Variants in ARHGAP36 observed in about 807,000 individuals in gnomAD.
ARHGAP36 encodes the protein rho GTPase-activating protein 36.
In ARHGAP36, 7 loss-of-function variants were observed where a neutral mutation model predicts 32.9. The observed-to-expected ratio is 0.21, with a 90% CI of 0.12 to 0.40. ARHGAP36 has a LOEUF of 0.40. Among genes scored for constraint, ARHGAP36 ranks in the 10% least tolerant of loss-of-function variants. The probability of loss-of-function intolerance (pLI) is 1.00; values close to 1 mark genes in which losing one functional copy is unlikely to be tolerated. For synonymous variants in ARHGAP36, 165 were observed against 168.3 expected (o/e 0.98, Z 0.15); for missense variants, 383 against 442.2 (o/e 0.87, Z 1.20).
chrX:131,079,558 T>TG (rs11398648), intron 1 of ARHGAP36, among the ~76,000 whole-genome samples: 1,143 of 60,647 alleles, frequency 0.019, 20 homozygotes, highest in African/African-American at 0.055. Context: ...GTTTTTTGTT[T>TG]TTTGTTTTTT....
intron 5 of ARHGAP36, 59 bp downstream of exon 5, chrX:131,084,466 CT>C: frequency 3.4e-6 from 4 of 1,160,273 alleles, no homozygotes; most frequent in Non-Finnish European, 4.6e-6. Context: ...GAGGGATGTT[CT>C]GGAAATGGGG....
chrX:131,065,357 G>A (rs977799540), intron 1 of ARHGAP36, among the ~76,000 whole-genome samples: 1 of 111,523 alleles, frequency 9.0e-6, no homozygotes, highest in Non-Finnish European at 1.9e-5. Context: ...TAGATGGGTA[G>A]TCTAGCGATG....
intron 1 of ARHGAP36, among the ~76,000 whole-genome samples, chrX:131,079,229 G>C (rs913156595): frequency 1.8e-5 from 2 of 111,960 alleles, no homozygotes; most frequent in Non-Finnish European, 3.8e-5. Context: ...ATTTTGAATG[G>C]GGAATTGCTA....
At chrX:131,058,467 G>A (rs1440401104) in intron 1 of ARHGAP36, 23 bp downstream of exon 1, 3 of 1,019,113 alleles carry the variant, frequency 2.9e-6, no homozygotes, top group Admixed American at 5.0e-5. Context: ...CACCGAGTCG[G>A]GGGGCTGGGG....
chrX:131,065,039 GTT>G (rs1486920544), intron 1 of ARHGAP36, among the ~76,000 whole-genome samples: 4 of 28,960 alleles, frequency 1.4e-4, no homozygotes, highest in African/African-American at 1.3e-4. Flanking sequence ...GTGTGTGTGT[GTT>G]TGTGTGTGTG....
At chrX:131,069,827 G>A (rs936714970) in intron 1 of ARHGAP36, among the ~76,000 whole-genome samples, 3 of 112,051 alleles carry the variant, frequency 2.7e-5, no homozygotes, top group Admixed American at 9.4e-5. Flanking sequence ...ACCTCCACTT[G>A]TATTCTTTTC....
intron 1 of ARHGAP36, among the ~76,000 whole-genome samples, chrX:131,071,881 G>T (rs753067180): frequency 8.9e-6 from 1 of 111,791 alleles, no homozygotes; most frequent in African/African-American, 3.3e-5. Context: ...AGACAGGAGA[G>T]AATTCAATTG....
chrX:131,077,441 A>G (rs765136074), intron 1 of ARHGAP36, among the ~76,000 whole-genome samples: 29 of 110,384 alleles, frequency 2.6e-4, no homozygotes, highest in Non-Finnish European at 4.4e-4. Context: ...GTTTACTAGT[A>G]AGCACTGCAC....
chrX:131,074,280 TC>T (rs1354731578), intron 1 of ARHGAP36, among the ~76,000 whole-genome samples: 1 of 111,650 alleles, frequency 9.0e-6, no homozygotes, highest in East Asian at 2.8e-4. Context: ...AAGTCTCATT[TC>T]CCTTTTTCCC....
chrX:131,079,562 G>GTTTTTTTTTTT (rs11417328), intron 1 of ARHGAP36, among the ~76,000 whole-genome samples: 1 of 93,136 alleles, frequency 1.1e-5, no homozygotes, highest in African/African-American at 4.0e-5. Flanking sequence ...TTTGTTTTTT[G>GTTTTTTTTTTT]TTTTTTTTTT....
At chrX:131,061,657 C>T (rs1322882289) in intron 1 of ARHGAP36, among the ~76,000 whole-genome samples, 2 of 111,471 alleles carry the variant, frequency 1.8e-5, no homozygotes, top group African/African-American at 6.5e-5. Context: ...AAAGCTGGGG[C>T]GTGACTGCCA....
At chrX:131,083,600 G>A in intron 3 of ARHGAP36, 134 bp from the exon 4 acceptor site, 1 of 638,871 alleles carries the variant, frequency 1.6e-6, no homozygotes, top group Non-Finnish European at 2.5e-6. Flanking sequence ...TCCCCAGGGA[G>A]GGGCGCTGCG....
Position 131,086,606 on chromosome X carries a change from T to C in ARHGAP36, c.1427T>C (p.Val476Ala). The change falls in exon 11 of 12, where the codon GTG (valine) becomes GCG (alanine). Residue 476 changes from valine to alanine, a missense_variant. Transcript: ENST00000276211. The stretch of plus-strand genomic sequence containing the variant: ...GAGGATGCACTACTTTCTGATCCAG[T>C]GGAAACCTCTGCTGAAGCCCGGGCT... The part of the protein sequence containing the change: ...MEEDALLSDP[V>A]ETSAEARAAV... The C allele has an allele frequency of 8.3e-7, 1 of 1,211,912 alleles. No individual in the cohort carries two copies. The highest frequency in any genetic ancestry group is 1.1e-6 in the Non-Finnish European group (1 of 895,579).
chrX:131,061,232 ATTTAC>A (rs1445094945), intron 1 of ARHGAP36, among the ~76,000 whole-genome samples: 3 of 110,706 alleles, frequency 2.7e-5, no homozygotes, highest in Non-Finnish European at 5.7e-5. Context: ...TTTTAAAAAA[ATTTAC>A]TTTAAGTTCT....
intron 1 of ARHGAP36, among the ~76,000 whole-genome samples, chrX:131,060,182 G>A (rs2079661261): frequency 9.0e-6 from 1 of 110,976 alleles, no homozygotes; most frequent in Non-Finnish European, 1.9e-5. Context: ...TAGCTTCAAG[G>A]CCCCTACCCA....
At chrX:131,065,506 T>A (rs1383157725) in intron 1 of ARHGAP36, among the ~76,000 whole-genome samples, 3 of 110,840 alleles carry the variant, frequency 2.7e-5, no homozygotes, top group Non-Finnish European at 5.7e-5. Flanking sequence ...TGAGGAGGTG[T>A]CAGATTGGCC....
chrX:131,085,567 C>T (rs1189358162), intron 7 of ARHGAP36, 21 bp from the exon 8 acceptor site: 2 of 1,204,370 alleles, frequency 1.7e-6, no homozygotes, highest in African/African-American at 3.5e-5. Flanking sequence ...CCTGAGACAG[C>T]CCCTGTTTTC....
intron 4 of ARHGAP36, 32 bp from the exon 5 acceptor site, chrX:131,084,183 C>T: frequency 8.5e-7 from 1 of 1,170,130 alleles, no homozygotes; most frequent in Non-Finnish European, 1.1e-6. Context: ...CTCTTTATTT[C>T]CCATTTTAAG....
intron 4 of ARHGAP36, 39 bp from the exon 5 acceptor site, chrX:131,084,175 CT>C (rs1257235106): frequency 1.7e-6 from 2 of 1,157,840 alleles, no homozygotes; most frequent in African/African-American, 3.6e-5. Context: ...AATTGACTCT[CT>C]TTATTTCCCA....
Sources: allele counts gnomAD v4.1 joint callset (sites outside exome capture counted in the v4.1 genomes callset), GRCh38; gene constraint gnomAD v4.1.1; transcripts MANE v1.5; gene names NCBI Gene and HGNC (gene_info 2026-07-23, HGNC 2026-07-21).